The following UGT1A9 variants were observed in gnomAD, a reference collection of about 807,000 sequenced individuals.
UGT1A9 encodes UDP-glucuronosyltransferase 1A9.
Under a neutral mutation model 45.0 loss-of-function variants are expected in UGT1A9, and 35 were observed. That is an observed-to-expected ratio of 0.78 (90% CI 0.59 to 1.03). The LOEUF is 1.03. UGT1A9 is among the 50% of genes least tolerant of loss of function. The pLI, the probability that UGT1A9 is intolerant of heterozygous loss-of-function variation, is 0.00. For synonymous variants in UGT1A9, 278 were observed against 250.6 expected, an observed-to-expected ratio of 1.11 and a Z score of -1.03; for missense variants, 687 against 666.6, an observed-to-expected ratio of 1.03 and a Z score of -0.34.
At chr2:233,676,853 C>T (rs1183516541) in intron 1 of UGT1A9, among the ~76,000 whole-genome samples, 4 of 152,124 alleles carry the variant, frequency 2.6e-5, no homozygotes, top group Admixed American at 1.3e-4. Flanking sequence ...CACTGCATTG[C>T]CTTTGTACCT....
At chr2:233,761,622 G>A (rs1417511901) in intron 1 of UGT1A9, among the ~76,000 whole-genome samples, 3 of 152,238 alleles carry the variant, frequency 2.0e-5, no homozygotes, top group Non-Finnish European at 4.4e-5. Flanking sequence ...CTGATAAGAA[G>A]CTAAATCCTG....
chr2:233,672,384 T>G lies in UGT1A9; in HGVS notation c.450T>G (p.Phe150Leu), dbSNP rs1185171529. The G allele has an allele frequency of 3.1e-6, 5 of 1,614,040 alleles. No homozygotes were observed. The highest frequency in any genetic ancestry group is 3.4e-6 in the Non-Finnish European group (4 of 1,180,002). The change falls in exon 1 of 5, where the codon TTT becomes TTG. Residue 150 changes from phenylalanine (F) to leucine (L), a missense_variant. Physicochemically the swap from Phe to Leu is conservative, Grantham distance 22 (BLOSUM62 0). Coordinates refer to ENST00000354728, the MANE Select transcript of UGT1A9 (RefSeq NM_021027.3). ...SSFDAVFLDP[F>L]DNCGLIVAKY... is the part of the protein sequence containing the mutation. ...TTGATGCAGTGTTTCTCGATCCTTT[T>G]GATAACTGTGGCTTAATTGTTGCCA...
At chr2:233,757,562 GTATATA>G (rs1491042837) in intron 1 of UGT1A9, among the ~76,000 whole-genome samples, 1 of 90,870 alleles carries the variant, frequency 1.1e-5, no homozygotes, top group South Asian at 4.4e-4. Context: ...ATATATATAT[GTATATA>G]TGATATAGCT....
At position 233,704,019 on chromosome 2, in the gene UGT1A9, C is replaced by G. The variant is rs566457131; in HGVS notation, c.855+31230C>G. On this transcript the variant is annotated intron_variant, in intron 1 of 4. Transcript: ENST00000354728. ...AGTTCTCCCACCTCAGCCGCCCGAG[C>G]AGCTGGAACTACAGGTGTGCACCAA... is the stretch of plus-strand genomic sequence containing the variant. 2.6e-5 allele frequency among the ~76,000 whole-genome samples: 4 copies of G among 151,986 alleles called. No homozygotes were observed. In the East Asian group the frequency reaches 5.8e-4, roughly 22 times the overall value.
chr2:233,672,215 C>T lies in UGT1A9; in HGVS notation c.281C>T (p.Ala94Val), dbSNP rs780464022. The T allele has an allele frequency of 3.7e-6, 6 of 1,614,128 alleles. No homozygotes were observed. The South Asian group carries it at 6.6e-5, about 18-fold the overall frequency. ...CTGGACCGGGAGTTCAAGGCTTTTG[C>T]CCATGCTCAATGGAAAGCACAAGTA... ...EDLDREFKAF[A>V]HAQWKAQVRS... Residue 94 changes from alanine to valine, a missense_variant, in exon 1 of 5, where the codon GCC becomes GTC. By Grantham distance (64) the Ala-to-Val change is moderately conservative (BLOSUM62 0). Coordinates refer to ENST00000354728, the MANE Select transcript of UGT1A9 (RefSeq NM_021027.3).
intron 1 of UGT1A9, among the ~76,000 whole-genome samples, chr2:233,763,208 C>A (rs998860630): frequency 1.3e-5 from 2 of 152,170 alleles, no homozygotes; most frequent in Non-Finnish European, 2.9e-5. Flanking sequence ...TGCAGTCAGG[C>A]TTAGGTGTGA....
rs34459843 is a variant in UGT1A9, at chr2:233,690,776, TACACACACACAC to T, written c.855+18000_855+18011del. On this transcript the variant is annotated intron_variant, in intron 1 of 4. Coordinates refer to ENST00000354728, the MANE Select transcript of UGT1A9 (RefSeq NM_021027.3). ...GTGCAGACATACACACACACACACA[TACACACACACAC>T]ACACACACACACCATTCTTAGTACA... The T allele has an allele frequency of 9.2e-4, 975 of 1,063,530 alleles. 12 individuals are homozygous for T. The African/African-American group carries it at 0.016, about 17-fold the overall frequency. 65.9% of individuals were successfully genotyped at this position (1,063,530 alleles called of 1,614,324 possible).
At chr2:233,684,467 G>A (rs1367938076) in intron 1 of UGT1A9, among the ~76,000 whole-genome samples, 3 of 152,098 alleles carry the variant, frequency 2.0e-5, no homozygotes, top group Non-Finnish European at 4.4e-5. Flanking sequence ...CCCATGCTGA[G>A]TTTGTTGTGG....
At chr2:233,750,245 C>A (rs1694403636) in intron 1 of UGT1A9, among the ~76,000 whole-genome samples, 1 of 151,900 alleles carries the variant, frequency 6.6e-6, no homozygotes, top group South Asian at 2.1e-4. Context: ...GGAACTGGAA[C>A]AAAGGTCACC....
At chr2:233,731,784 G>A (rs186887277) in intron 1 of UGT1A9, among the ~76,000 whole-genome samples, 133 of 152,162 alleles carry the variant, frequency 8.7e-4, no homozygotes, top group Non-Finnish European at 1.4e-3. Flanking sequence ...ATTTATAATC[G>A]TTTGGGTATA....
At chr2:233,747,587 T>C (rs1416788712) in intron 1 of UGT1A9, 8 of 1,579,890 alleles carry the variant, frequency 5.1e-6, no homozygotes, top group Non-Finnish European at 3.5e-6. Context: ...TGGTCTTTCA[T>C]AGGTCTTGTG....
chr2:233,745,515 T>C (rs1256648631), intron 1 of UGT1A9, among the ~76,000 whole-genome samples: 1 of 151,514 alleles, frequency 6.6e-6, no homozygotes, highest in African/African-American at 2.4e-5. Flanking sequence ...GGGTATTAGG[T>C]CTAATGGGGA....
In UGT1A9 at chr2:233,714,784, C is replaced by T. The variant is rs564838268; in HGVS notation, c.855+41995C>T. Among the ~76,000 whole-genome samples, 4 of 152,314 alleles carry T rather than the reference C, an allele frequency of 2.6e-5. No individual in the cohort carries two copies. The East Asian group carries it at 7.7e-4, about 29-fold the overall frequency. ...AGTATATCTCAATTTGGAATAGCCA[C>T]ATTTCAAGTGCTCAATATTCATATG... is the stretch of plus-strand genomic sequence containing the variant. On this transcript the variant is annotated intron_variant, in intron 1 of 4. Coordinates refer to ENST00000354728, the MANE Select transcript of UGT1A9 (RefSeq NM_021027.3).
At chr2:233,721,475 C>T (rs1272285842) in intron 1 of UGT1A9, 9 of 174,082 alleles carry the variant, frequency 5.2e-5, no homozygotes, top group Admixed American at 4.3e-4. Context: ...TATCTGTTAT[C>T]ATTCTTATTA....
Position 233,672,177 on chromosome 2 carries a change from T to C in UGT1A9, c.243T>C (p.Tyr81=). The change falls in exon 1 of 5, where the codon TAT becomes TAC. Residue 81 remains tyrosine, a synonymous_variant. Transcript: ENST00000354728. Reference sequence around the variant, plus strand: ...CAGTGAAGACTTATTCAACTTCATATACCCTGGAGGATCTGGACCGGGAGT... The same window carrying C: ...CAGTGAAGACTTATTCAACTTCATACACCCTGGAGGATCTGGACCGGGAGT... ...NCTVKTYSTS[Y]TLEDLDREFK... The C allele has an allele frequency of 8.7e-6, 14 of 1,614,192 alleles. No individual in the cohort carries two copies. The highest frequency in any genetic ancestry group is 1.2e-5 in the Non-Finnish European group (14 of 1,180,018).
intron 1 of UGT1A9, among the ~76,000 whole-genome samples, chr2:233,715,240 A>T (rs2076440317): frequency 6.6e-6 from 1 of 152,092 alleles, no homozygotes; most frequent in African/African-American, 2.4e-5. Flanking sequence ...TCTGTGAAGG[A>T]TGTCTTTTAA....
chr2:233,693,640 C>T (rs2075172238), intron 1 of UGT1A9: 1 of 1,614,182 alleles, frequency 6.2e-7, no homozygotes, highest in Non-Finnish European at 8.5e-7. Context: ...TGGCCAACTT[C>T]CTTGTTAATT....
rs568090687 is a variant in UGT1A9, at chr2:233,760,533, A to G, written c.856-6501A>G. 23 of 1,614,268 alleles carry G rather than the reference A, an allele frequency of 1.4e-5. No homozygotes were observed. The South Asian group carries it at 2.2e-4, about 15-fold the overall frequency. On this transcript the variant is annotated intron_variant, in intron 1 of 4. Coordinates refer to ENST00000354728, the MANE Select transcript of UGT1A9 (RefSeq NM_021027.3). ...ACACCTTGAAGACGTACCCTGTGCC[A>G]TTCCAAAGGGAGGATGTGAAAGAGT... is the stretch of plus-strand genomic sequence containing the variant.
intron 3 of UGT1A9, 57 bp from the exon 4 acceptor site, chr2:233,768,163 T>A: frequency 6.2e-7 from 1 of 1,613,480 alleles, no homozygotes; most frequent in Non-Finnish European, 8.5e-7. Flanking sequence ...CCTAGATGTG[T>A]CCAGCTGTGA....
Sources: gnomAD v4.1 joint callset for allele counts (sites outside exome capture counted in the v4.1 genomes callset) on GRCh38, gnomAD v4.1.1 for gene constraint, MANE v1.5 for transcripts, NCBI Gene and HGNC (gene_info 2026-07-23, HGNC 2026-07-21) for gene names.